CCDC15: variants seen among roughly 807,000 people sequenced by gnomAD.
The protein encoded by CCDC15 is coiled-coil domain containing 15, also known as coiled-coil domain-containing protein 15.
Under a neutral mutation model 114.5 loss-of-function variants are expected in CCDC15, and 105 were observed. The ratio of observed to expected loss-of-function variants is 0.92; its 90% CI spans 0.78 to 1.08. CCDC15 has a LOEUF of 1.08. Among genes scored for constraint, CCDC15 ranks in the 50% least tolerant of loss-of-function variants. The pLI is 0.00. For missense variants in CCDC15, 1,105 were observed against 1,093.6 expected, an observed-to-expected ratio of 1.01 and a Z score of -0.15; for synonymous variants, 334 against 377.8, an observed-to-expected ratio of 0.88 and a Z score of 1.34.
chr11:124,959,158 GA>G lies in CCDC15; in HGVS notation c.228del (p.Lys76AsnfsTer5), dbSNP rs781164577. ...LIEEELKEQL[R>X]KKQEALKHFQ... ...GAAGAAGAACTAAAGGAACAGCTAA[GA>G]AAAAAACAAGAAGCTTTGAAACATT... is the stretch of plus-strand genomic sequence containing the variant. On this transcript the variant is annotated frameshift_variant, in exon 3 of 16. Coordinates refer to ENST00000344762, the MANE Select transcript of CCDC15 (RefSeq NM_025004.3). LOFTEE classifies it high-confidence loss of function. The G allele has an allele frequency of 7.6e-6, 12 of 1,586,756 alleles. No homozygotes were observed. The highest frequency in any genetic ancestry group is 1.0e-5 in the Non-Finnish European group (12 of 1,168,144).
At chr11:125,039,893 C>A (rs1948803871) in intron 15 of CCDC15, among the ~76,000 whole-genome samples, 1 of 152,170 alleles carries the variant, frequency 6.6e-6, no homozygotes, top group Admixed American at 6.5e-5. Flanking sequence ...ACACTCAGTT[C>A]TCTGTGTTCT....
intron 13 of CCDC15, among the ~76,000 whole-genome samples, 174 bp downstream of exon 13, chr11:125,005,386 C>T (rs111522030): frequency 8.6e-5 from 13 of 151,922 alleles, no homozygotes; most frequent in African/African-American, 2.4e-4. Flanking sequence ...TTTTTTGGTT[C>T]GATTTTCTAT....
At chr11:125,005,664 T>C (rs1478669124) in intron 13 of CCDC15, among the ~76,000 whole-genome samples, 1 of 152,134 alleles carries the variant, frequency 6.6e-6, no homozygotes, top group African/African-American at 2.4e-5. Flanking sequence ...ATTATGGTAT[T>C]ATACAAAGTG....
intron 11 of CCDC15, among the ~76,000 whole-genome samples, chr11:124,995,371 T>C (rs936091455): frequency 6.6e-6 from 1 of 151,604 alleles, no homozygotes; most frequent in Non-Finnish European, 1.5e-5. Flanking sequence ...TTAATTTGCT[T>C]GTTTTCTTAT....
At chr11:124,963,584 C>T (rs913170505) in intron 4 of CCDC15, among the ~76,000 whole-genome samples, 2 of 150,754 alleles carry the variant, frequency 1.3e-5, no homozygotes, top group Admixed American at 6.6e-5. Context: ...TTTTCCCATT[C>T]TGTAGGTTGC....
chr11:125,021,474 TTACTA>T (rs1244199907), intron 13 of CCDC15, among the ~76,000 whole-genome samples: 1 of 151,838 alleles, frequency 6.6e-6, no homozygotes, highest in African/African-American at 2.4e-5. Flanking sequence ...GAGCCACAAA[TTACTA>T]TAATATCTAA....
intron 13 of CCDC15, among the ~76,000 whole-genome samples, chr11:125,030,549 T>G (rs1249156815): frequency 6.6e-6 from 1 of 152,164 alleles, no homozygotes; most frequent in African/African-American, 2.4e-5. Context: ...TAAGTGTGTA[T>G]TCCAGTGAGG....
At chr11:124,974,823 G>T (rs554908470) in intron 4 of CCDC15, among the ~76,000 whole-genome samples, 2 of 152,252 alleles carry the variant, frequency 1.3e-5, no homozygotes, top group South Asian at 4.1e-4. Context: ...TCATATTTTT[G>T]TGTACATGCT....
At position 124,991,501 on chromosome 11, in the gene CCDC15, A is replaced by C. The variant is rs960722228; in HGVS notation, c.1949A>C (p.Glu650Ala). 1.1e-5 allele frequency: 17 copies of C among 1,602,794 alleles called. No homozygotes were observed. The highest frequency in any genetic ancestry group is 1.5e-5 in the Non-Finnish European group (17 of 1,170,730). The change falls in exon 9 of 16, where the codon GAG becomes GCG. Residue 650 changes from glutamate to alanine, a missense_variant. Glu to Ala is a moderately radical substitution (Grantham distance 107). Transcript: ENST00000344762. ...GAGCCATACTCTGATATGACAGATG[A>C]GAAAGGGAGAGAAGACTTTTCTCTG... ...FKEPYSDMTDEKGREDFSLAD... is the reference protein window; with the variant it reads ...FKEPYSDMTDAKGREDFSLAD...
chr11:125,004,413 T>A (rs1474446148), intron 12 of CCDC15, among the ~76,000 whole-genome samples: 1 of 151,964 alleles, frequency 6.6e-6, no homozygotes, highest in African/African-American at 2.4e-5. Flanking sequence ...GTTTAGGGCA[T>A]TTTTGTTTTT....
chr11:125,036,611 T>C (rs555730260), intron 13 of CCDC15, among the ~76,000 whole-genome samples: 1 of 152,316 alleles, frequency 6.6e-6, no homozygotes, highest in Non-Finnish European at 1.5e-5. Context: ...ATTTGCCCTT[T>C]TGAAGTTACT....
chr11:124,997,325 C>G (rs1018236243), intron 11 of CCDC15, among the ~76,000 whole-genome samples: 1 of 152,206 alleles, frequency 6.6e-6, no homozygotes, highest in Non-Finnish European at 1.5e-5. Context: ...GACTGTCACT[C>G]AGTTGCCCAG....
intron 4 of CCDC15, among the ~76,000 whole-genome samples, chr11:124,969,789 A>G (rs1565357793): frequency 6.6e-6 from 1 of 152,214 alleles, no homozygotes; most frequent in Non-Finnish European, 1.5e-5. Context: ...CACATGGGTT[A>G]ATAAGGGAAG....
At chr11:124,999,946 C>G (rs77824008) in intron 11 of CCDC15, among the ~76,000 whole-genome samples, 1 of 145,698 alleles carries the variant, frequency 6.9e-6, no homozygotes, top group Non-Finnish European at 1.5e-5. Context: ...ACTGCAACCT[C>G]TGCTTCCTGA....
At position 124,959,815 on chromosome 11, in the gene CCDC15, G is replaced by A. The variant is rs552598706; in HGVS notation, c.328G>A (p.Ala110Thr). ...TATCCCCCTTTCTTCTTTCGTGTAG[G>A]CACAAAAAGAAGGCTCCATAGCCAT... ...KQQLQKSYER[A>T]QKEGSIAMQS... The change falls in exon 4 of 16, where the codon GCA becomes ACA. Residue 110 changes from alanine to threonine, a missense_variant and splice_region_variant. Physicochemically the swap from Ala to Thr is moderately conservative, Grantham distance 58. Coordinates refer to ENST00000344762, the MANE Select transcript of CCDC15 (RefSeq NM_025004.3). 7.6e-6 allele frequency: 12 copies of A among 1,589,302 alleles called. No individual in the cohort carries two copies. In the East Asian group the frequency reaches 2.7e-4, roughly 36 times the overall value.
chr11:124,955,632 T>C (rs1311619146), intron 2 of CCDC15, among the ~76,000 whole-genome samples: 1 of 152,214 alleles, frequency 6.6e-6, no homozygotes, highest in Non-Finnish European at 1.5e-5. Context: ...GAAGTATTTA[T>C]GAAAGGCACA....
At chr11:125,012,963 T>G (rs1187043887) in intron 13 of CCDC15, among the ~76,000 whole-genome samples, 2 of 152,188 alleles carry the variant, frequency 1.3e-5, no homozygotes, top group African/African-American at 2.4e-5. Context: ...TCAGTATCCT[T>G]AATTATATAA....
chr11:125,013,959 C>T (rs1167766640), intron 13 of CCDC15, among the ~76,000 whole-genome samples: 1 of 152,106 alleles, frequency 6.6e-6, no homozygotes, highest in African/African-American at 2.4e-5. Context: ...TCAAGGGTCT[C>T]AAACATTTGA....
At chr11:124,977,397 C>T in intron 5 of CCDC15, 81 bp from the exon 6 acceptor site, 3 of 1,300,772 alleles carry the variant, frequency 2.3e-6, no homozygotes, top group South Asian at 1.8e-5. Flanking sequence ...AATTTTAGAT[C>T]TTTCACAGAA....
Sources: gnomAD v4.1 joint callset for allele counts (sites outside exome capture counted in the v4.1 genomes callset) on GRCh38, gnomAD v4.1.1 for gene constraint, MANE v1.5 for transcripts, NCBI Gene and HGNC (gene_info 2026-07-23, HGNC 2026-07-21) for gene names.